SLC17A1: variants seen among roughly 807,000 people sequenced by gnomAD.
SLC17A1 encodes solute carrier family 17 member 1.
In SLC17A1, 51 loss-of-function variants were observed where a neutral mutation model predicts 53.5. That is an observed-to-expected ratio of 0.95 (90% CI 0.76 to 1.20). The LOEUF (loss-of-function observed/expected upper bound fraction) is 1.20. SLC17A1 is among the 50% of genes most tolerant of loss of function. The pLI is 0.00. For missense variants in SLC17A1, 538 were observed against 568.2 expected (o/e 0.95, Z 0.54); for synonymous variants, 179 against 198.8 (o/e 0.90, Z 0.84).
At chr6:25,810,305 A>C (rs1432923595) in intron 10 of SLC17A1, among the ~76,000 whole-genome samples, 7 of 152,076 alleles carry the variant, frequency 4.6e-5, no homozygotes, top group Non-Finnish European at 1.0e-4. Flanking sequence ...GAAAAGAAAC[A>C]ATCAACAGAC....
the SLC17A1 span, among the ~76,000 whole-genome samples, chr6:25,740,398 G>T: frequency 1.3e-5 from 2 of 151,650 alleles, no homozygotes; most frequent in African/African-American, 4.8e-5. Context: ...TTTTTAAATT[G>T]GGTTTCTCAA....
At chr6:25,770,723 T>C in the SLC17A1 span, among the ~76,000 whole-genome samples, 3 of 152,220 alleles carry the variant, frequency 2.0e-5, no homozygotes, top group Non-Finnish European at 4.4e-5. Context: ...TATATATAAT[T>C]ACTTCCATTT....
At chr6:25,726,861 G>A in the SLC17A1 span, 24 of 1,567,938 alleles carry the variant, frequency 1.5e-5, no homozygotes, top group Admixed American at 2.6e-4. Flanking sequence ...AAAGTGCTGT[G>A]TAACCCTGGA....
At chr6:25,776,387 G>T in the SLC17A1 span, among the ~76,000 whole-genome samples, 1 of 151,504 alleles carries the variant, frequency 6.6e-6, no homozygotes, top group Non-Finnish European at 1.5e-5. Flanking sequence ...TATATATAAA[G>T]AGAGCCTTGT....
the SLC17A1 span, among the ~76,000 whole-genome samples, chr6:25,738,877 A>G: frequency 6.6e-6 from 1 of 152,210 alleles, no homozygotes; most frequent in Non-Finnish European, 1.5e-5. Flanking sequence ...TTAAAAATTG[A>G]CAACATCAAA....
At chr6:25,761,972 G>A in the SLC17A1 span, 20 of 1,612,884 alleles carry the variant, frequency 1.2e-5, no homozygotes, top group Admixed American at 6.7e-5. Flanking sequence ...AATGTCTACC[G>A]GACCAGATGT....
chr6:25,773,702 C>T, the SLC17A1 span: 4 of 1,604,106 alleles, frequency 2.5e-6, no homozygotes, highest in Non-Finnish European at 2.6e-6. Context: ...TCATTCTGAT[C>T]TTCTGTTTAA....
intron 3 of SLC17A1, among the ~76,000 whole-genome samples, chr6:25,825,609 T>C (rs1358972866): frequency 6.6e-6 from 1 of 151,978 alleles, no homozygotes; most frequent in Non-Finnish European, 1.5e-5. Flanking sequence ...ATGGTATGCC[T>C]AGGTGGCTTT....
At chr6:25,765,649 G>GA in the SLC17A1 span, among the ~76,000 whole-genome samples, 6 of 151,958 alleles carry the variant, frequency 3.9e-5, no homozygotes, top group African/African-American at 1.2e-4. Context: ...AACTAAGGAG[G>GA]AAAAAAATGT....
chr6:25,726,163 T>C, the SLC17A1 span: 4 of 1,570,272 alleles, frequency 2.5e-6, no homozygotes, highest in East Asian at 2.3e-5. Context: ...GTGGTGACTC[T>C]CAGTCTTCTT....
chr6:25,776,541 G>A, the SLC17A1 span: 4 of 1,544,386 alleles, frequency 2.6e-6, no homozygotes, highest in African/African-American at 2.7e-5. Context: ...GGTTGTCTGT[G>A]TCGTGGTGGG....
chr6:25,801,392 A>G (rs1337325490), intron 10 of SLC17A1, among the ~76,000 whole-genome samples: 2 of 152,208 alleles, frequency 1.3e-5, no homozygotes, highest in Non-Finnish European at 2.9e-5. Flanking sequence ...ATTGCTTCCA[A>G]TACTCAGGCA....
At chr6:25,768,394 G>A in the SLC17A1 span, 1 of 987,522 alleles carries the variant, frequency 1.0e-6, no homozygotes, top group African/African-American at 1.7e-5. Context: ...CTCAACCACA[G>A]GGATATCCCC....
At chr6:25,740,269 C>G in the SLC17A1 span, among the ~76,000 whole-genome samples, 7 of 152,182 alleles carry the variant, frequency 4.6e-5, 1 homozygote, top group Admixed American at 4.6e-4. Flanking sequence ...GACAATGATC[C>G]TAAACCTCAG....
At chr6:25,806,716 G>T (rs1763967013) in intron 10 of SLC17A1, among the ~76,000 whole-genome samples, 1 of 152,046 alleles carries the variant, frequency 6.6e-6, no homozygotes, top group Non-Finnish European at 1.5e-5. Context: ...TACAGCAAAA[G>T]AAATAATTAT....
the SLC17A1 span, chr6:25,768,273 G>A: frequency 3.1e-6 from 2 of 649,036 alleles, no homozygotes; most frequent in Non-Finnish European, 3.8e-6. Context: ...TCCCTTTCAG[G>A]AACCAAGAAA....
At chr6:25,809,789 A>T (rs1764088656) in intron 10 of SLC17A1, among the ~76,000 whole-genome samples, 1 of 152,140 alleles carries the variant, frequency 6.6e-6, no homozygotes, top group Non-Finnish European at 1.5e-5. Context: ...TGGAAGTACA[A>T]AAGGTCCCAA....
At chr6:25,766,305 A>G in the SLC17A1 span, among the ~76,000 whole-genome samples, 1,936 of 152,168 alleles carry the variant, frequency 0.013, 19 homozygotes, top group Non-Finnish European at 0.014. Context: ...AAACAAATAT[A>G]TTCTAGTAGT....
the SLC17A1 span, among the ~76,000 whole-genome samples, chr6:25,751,434 A>G: frequency 6.6e-6 from 1 of 152,190 alleles, no homozygotes; most frequent in Admixed American, 6.5e-5. Flanking sequence ...TTTTGGTTCT[A>G]TTGGGCTTGG....
Sources: allele counts gnomAD v4.1 joint callset (sites outside exome capture counted in the v4.1 genomes callset), GRCh38; gene constraint gnomAD v4.1.1; transcripts MANE v1.5; gene names NCBI Gene and HGNC (gene_info 2026-07-23, HGNC 2026-07-21).